DLEU7: variants seen among roughly 807,000 people sequenced by gnomAD.
DLEU7 encodes deleted in lymphocytic leukemia 7.
In DLEU7, 17 loss-of-function variants were observed where a neutral mutation model predicts 16.0. The observed-to-expected ratio is 1.06, with a 90% CI of 0.73 to 1.59. The LOEUF (loss-of-function observed/expected upper bound fraction) is 1.59, where lower values mean the gene tolerates loss of function less well. Ranked by LOEUF, DLEU7 falls within the 40% of genes most tolerant of loss-of-function variation. The pLI is 0.00. For synonymous variants in DLEU7, 113 were observed against 139.8 expected, an observed-to-expected ratio of 0.81 and a Z score of 1.35; for missense variants, 308 against 314.9, an observed-to-expected ratio of 0.98 and a Z score of 0.17.
intron 1 of DLEU7, among the ~76,000 whole-genome samples, chr13:50,727,163 T>A (rs1873783468): frequency 6.6e-6 from 1 of 152,104 alleles, no homozygotes; most frequent in South Asian, 2.1e-4. Context: ...CCTTAATATG[T>A]GCTAAGTGTT....
chr13:50,772,821 AGGTTGG>A (rs1423905676), intron 1 of DLEU7, among the ~76,000 whole-genome samples: 49 of 152,316 alleles, frequency 3.2e-4, no homozygotes, highest in South Asian at 2.3e-3. Context: ...CTGCCTTGCC[AGGTTGG>A]GGAAGTTCTC....
At chr13:50,752,877 G>A (rs1012589790) in intron 1 of DLEU7, among the ~76,000 whole-genome samples, 5 of 152,142 alleles carry the variant, frequency 3.3e-5, no homozygotes, top group Non-Finnish European at 7.4e-5. Context: ...GGCTCAGGCA[G>A]CCTGCTTTTA....
chr13:50,775,926 C>T (rs943909498), intron 1 of DLEU7, among the ~76,000 whole-genome samples: 1 of 152,132 alleles, frequency 6.6e-6, no homozygotes, highest in African/African-American at 2.4e-5. Flanking sequence ...TTAAATCTTC[C>T]TCTAGCTTTG....
intron 1 of DLEU7, among the ~76,000 whole-genome samples, chr13:50,824,010 T>G (rs1169495025): frequency 1.3e-5 from 2 of 152,222 alleles, no homozygotes; most frequent in Non-Finnish European, 2.9e-5. Context: ...TCTGGGTCAA[T>G]AAATATCACT....
intron 1 of DLEU7, among the ~76,000 whole-genome samples, chr13:50,837,089 A>C (rs1410586004): frequency 2.6e-5 from 4 of 152,184 alleles, no homozygotes; most frequent in Non-Finnish European, 5.9e-5. Flanking sequence ...TGAAGAACCA[A>C]AGTATTAGCC....
chr13:50,843,172 CG>C lies in DLEU7; in HGVS notation c.459+15del. 3 of 1,579,882 alleles carry C rather than the reference CG, an allele frequency of 1.9e-6. No individual in the cohort carries two copies. Among genetic ancestry groups the C allele is most frequent in the East Asian group, 2.4e-5 (1 of 40,818 alleles). ...TTACCCTGCACGCCAGAGGGGATGGCGGGGGCCAGACTCACCTTCAGGTGAA... is the reference window on the plus strand; with the variant it reads ...TTACCCTGCACGCCAGAGGGGATGGCGGGGCCAGACTCACCTTCAGGTGAA... On this transcript the variant is annotated intron_variant, in intron 1 of 1. Coordinates refer to ENST00000504404, the MANE Select transcript of DLEU7 (RefSeq NM_001306135.2). The surrounding 1 kb of genome is among the most constrained non-coding windows in gnomAD (Gnocchi z 5.7).
intron 1 of DLEU7, among the ~76,000 whole-genome samples, chr13:50,835,546 C>T (rs1195531101): frequency 3.3e-5 from 5 of 152,158 alleles, no homozygotes; most frequent in Admixed American, 2.0e-4. Context: ...CCTGTTGGCC[C>T]ATCCCTCCTC....
At chr13:50,805,573 A>G (rs1399010679) in intron 1 of DLEU7, among the ~76,000 whole-genome samples, 1 of 152,190 alleles carries the variant, frequency 6.6e-6, no homozygotes, top group Admixed American at 6.5e-5. Context: ...CATCTATCAT[A>G]TAACCCTTTT....
intron 1 of DLEU7, among the ~76,000 whole-genome samples, chr13:50,722,006 C>T (rs1566229061): frequency 6.6e-6 from 1 of 152,084 alleles, no homozygotes; most frequent in South Asian, 2.1e-4. Flanking sequence ...CTGCAAAGGC[C>T]CATTTACATT....
Position 50,838,760 on chromosome 13 carries a change from T to G in DLEU7, c.459+4428A>C, listed in dbSNP as rs1011053398. On this transcript the variant is annotated intron_variant, in intron 1 of 1. Transcript: ENST00000504404. ...TGGAGATATGGTCTTAGCGAGGTAATTAAGATAAATTGAAGTTACAAGGTG... is the reference window on the plus strand; with the variant it reads ...TGGAGATATGGTCTTAGCGAGGTAAGTAAGATAAATTGAAGTTACAAGGTG... 2.0e-5 allele frequency among the ~76,000 whole-genome samples: 3 copies of G among 152,114 alleles called. No individual in the cohort carries two copies. In the South Asian group the frequency reaches 6.2e-4, roughly 32 times the overall value.
chr13:50,809,681 G>C (rs1285354166), intron 1 of DLEU7, among the ~76,000 whole-genome samples: 2 of 152,196 alleles, frequency 1.3e-5, no homozygotes, highest in East Asian at 3.9e-4. Flanking sequence ...CACTTAACCA[G>C]GCCAAAAACA....
At chr13:50,750,993 TG>T (rs1874546043) in intron 1 of DLEU7, among the ~76,000 whole-genome samples, 1 of 152,118 alleles carries the variant, frequency 6.6e-6, no homozygotes, top group African/African-American at 2.4e-5. Flanking sequence ...GTGGTGAGAG[TG>T]GGCATCCTAC....
rs368778519 is a variant in DLEU7, at chr13:50,739,005, GCACA to G, written c.460-25769_460-25766del. ...CACACACACACACACACACACACACGCACACACACACAAACACTGGCCACACTGG... is the reference window on the plus strand; with the variant it reads ...CACACACACACACACACACACACACGCACACACAAACACTGGCCACACTGG... On this transcript the variant is annotated intron_variant, in intron 1 of 1. Coordinates refer to the DLEU7 transcript ENST00000400393. Among the ~76,000 whole-genome samples the G allele has an allele frequency of 4.4e-5, 5 of 114,192 alleles. No individual in the cohort carries two copies. The East Asian group carries it at 1.2e-3, about 28-fold the overall frequency. 74.9% of individuals were successfully genotyped at this position (114,192 alleles called of 152,430 possible). A position where few individuals can be genotyped will look rare whatever the true frequency, so the allele number is the denominator to read the frequency against.
At chr13:50,732,935 C>T (rs2137718154) in intron 1 of DLEU7, among the ~76,000 whole-genome samples, 1 of 152,268 alleles carries the variant, frequency 6.6e-6, no homozygotes, top group East Asian at 1.9e-4. Flanking sequence ...CCAGAAAAAA[C>T]ATCACTCACT....
intron 1 of DLEU7, among the ~76,000 whole-genome samples, chr13:50,713,443 C>A (rs1009284720): frequency 1.3e-5 from 2 of 152,092 alleles, no homozygotes; most frequent in African/African-American, 4.8e-5. Context: ...ACCCTAATTT[C>A]GAGTCAAACA....
intron 1 of DLEU7, among the ~76,000 whole-genome samples, chr13:50,842,749 G>GATTTAAATAAATGT (rs1213225285): frequency 2.0e-5 from 3 of 152,218 alleles, no homozygotes; most frequent in Non-Finnish European, 4.4e-5. Flanking sequence ...AATAAATGTA[G>GATTTAAATAAATGT]ATGATTTCAT....
At chr13:50,712,958 G>A (rs1349784402) in exon 2 of DLEU7, 2 of 464,492 alleles carry the variant, frequency 4.3e-6, no homozygotes, top group Non-Finnish European at 7.7e-6. Flanking sequence ...ATTGGAGCAA[G>A]ATGACAGGAT....
intron 1 of DLEU7, among the ~76,000 whole-genome samples, chr13:50,742,947 T>A: frequency 6.6e-6 from 1 of 152,248 alleles, no homozygotes; most frequent in South Asian, 2.1e-4. Context: ...ATAAAACTCA[T>A]GTCTGGAATT....
chr13:50,737,539 T>C (rs1348868737), intron 1 of DLEU7, among the ~76,000 whole-genome samples: 1 of 152,188 alleles, frequency 6.6e-6, no homozygotes. Context: ...ACTTTTTAAT[T>C]ATTATTATAT....
Sources: gnomAD v4.1 joint callset for allele counts (sites outside exome capture counted in the v4.1 genomes callset) on GRCh38, gnomAD v4.1.1 for gene constraint, Gnocchi (gnomAD v3.1) non-coding constraint, MANE v1.5 for transcripts, NCBI Gene and HGNC (gene_info 2026-07-23, HGNC 2026-07-21) for gene names.